The following C4orf51 variants were observed in gnomAD, a reference collection of about 807,000 sequenced individuals.
The protein encoded by C4orf51 is uncharacterized protein C4orf51.
In C4orf51, 25 loss-of-function variants were observed where a neutral mutation model predicts 25.2. The observed-to-expected ratio is 0.99, with a 90% CI of 0.72 to 1.39. The LOEUF is 1.39. Ranked by LOEUF, C4orf51 falls within the 40% of genes most tolerant of loss-of-function variation. The probability of loss-of-function intolerance (pLI) is 0.00; values close to 1 mark genes in which losing one functional copy is unlikely to be tolerated. For synonymous variants in C4orf51, 100 were observed against 84.5 expected, an observed-to-expected ratio of 1.18 and a Z score of -1.01; for missense variants, 252 against 239.6, an observed-to-expected ratio of 1.05 and a Z score of -0.34.
In C4orf51 at chr4:145,704,144, C is replaced by CT. The variant is rs200510840; in HGVS notation, c.307+7518dup. 5.6e-4 allele frequency among the ~76,000 whole-genome samples: 86 copies of CT among 152,262 alleles called. 1 individual carries two copies. The East Asian group carries it at 0.012, about 21-fold the overall frequency. ...GAGGAGTCTTGGCTGGCAAAGGTGGCTTTTTTATGTAGATGAAGCCTCCCT... is the reference window on the plus strand; with the variant it reads ...GAGGAGTCTTGGCTGGCAAAGGTGGCTTTTTTTATGTAGATGAAGCCTCCCT... On this transcript the variant is annotated intron_variant, in intron 2 of 5. Coordinates refer to ENST00000438731, the MANE Select transcript of C4orf51 (RefSeq NM_001080531.3).
chr4:145,727,924 A>T (rs1190709664), intron 3 of C4orf51, among the ~76,000 whole-genome samples: 27 of 93,624 alleles, frequency 2.9e-4, no homozygotes, highest in South Asian at 1.7e-3. Flanking sequence ...TATATATATA[A>T]AATATATTAT....
the C4orf51 span, among the ~76,000 whole-genome samples, chr4:145,776,429 C>A: frequency 4.0e-5 from 6 of 151,550 alleles, no homozygotes; most frequent in South Asian, 1.3e-3. Context: ...TCACTGCACT[C>A]CAGCCTGGGT....
chr4:145,741,085 A>G (rs974120841), intron 1 of C4orf51, among the ~76,000 whole-genome samples: 1 of 152,146 alleles, frequency 6.6e-6, no homozygotes, highest in Non-Finnish European at 1.5e-5. Context: ...TCAGAAAAGG[A>G]TAGTTTGTCA....
chr4:145,734,154 T>C (rs1485702746), downstream of C4orf51, among the ~76,000 whole-genome samples: 1 of 152,232 alleles, frequency 6.6e-6, no homozygotes, highest in African/African-American at 2.4e-5. Context: ...CCTTCTCGCC[T>C]GTCTGTCCAC....
the C4orf51 span, among the ~76,000 whole-genome samples, chr4:145,785,042 G>T: frequency 6.6e-6 from 1 of 152,076 alleles, no homozygotes. Context: ...TGTCATTTGG[G>T]CTTTTCCTCT....
At chr4:145,686,618 T>A (rs1729170617) in intron 1 of C4orf51, among the ~76,000 whole-genome samples, 1 of 152,038 alleles carries the variant, frequency 6.6e-6, no homozygotes, top group South Asian at 2.1e-4. Flanking sequence ...TTTACAACAA[T>A]CTGAGGAGTG....
At chr4:145,697,287 A>G (rs1016270788) in intron 2 of C4orf51, among the ~76,000 whole-genome samples, 1 of 151,804 alleles carries the variant, frequency 6.6e-6, no homozygotes, top group African/African-American at 2.4e-5. Flanking sequence ...TTTAGAAGAG[A>G]TGGGATTTCA....
chr4:145,723,418 A>T (rs771079588), intron 2 of C4orf51, among the ~76,000 whole-genome samples: 49 of 152,162 alleles, frequency 3.2e-4, no homozygotes, highest in Non-Finnish European at 5.4e-4. Flanking sequence ...AACATATTAA[A>T]GGAAAACAGA....
chr4:145,698,688 T>A (rs1455719183), intron 2 of C4orf51, among the ~76,000 whole-genome samples: 1 of 152,168 alleles, frequency 6.6e-6, no homozygotes, highest in Non-Finnish European at 1.5e-5. Flanking sequence ...CCACTTCCCA[T>A]CATGCCCTGA....
chr4:145,707,484 G>A (rs1035132452), intron 2 of C4orf51, among the ~76,000 whole-genome samples: 1 of 152,196 alleles, frequency 6.6e-6, no homozygotes, highest in Non-Finnish European at 1.5e-5. Context: ...ATAAGTGTGG[G>A]CTATTTCTAT....
At chr4:145,777,406 C>T in the C4orf51 span, among the ~76,000 whole-genome samples, 6 of 152,176 alleles carry the variant, frequency 3.9e-5, no homozygotes, top group African/African-American at 9.6e-5. Context: ...AACTCACCAG[C>T]GAAAATTTCT....
intron 2 of C4orf51, among the ~76,000 whole-genome samples, chr4:145,725,656 G>T (rs918965974): frequency 2.6e-5 from 4 of 151,948 alleles, no homozygotes; most frequent in African/African-American, 9.7e-5. Context: ...TCAAAACATT[G>T]TGTTAAGTTA....
intron 3 of C4orf51, among the ~76,000 whole-genome samples, chr4:145,727,988 ATAAT>A (rs1183224607): frequency 7.4e-6 from 1 of 134,572 alleles, no homozygotes; most frequent in Non-Finnish European, 1.5e-5. Context: ...TACATTATAT[ATAAT>A]ATATTATATA....
chr4:145,721,853 G>A (rs1258870735), intron 2 of C4orf51, among the ~76,000 whole-genome samples: 1 of 152,202 alleles, frequency 6.6e-6, no homozygotes, highest in African/African-American at 2.4e-5. Context: ...CAAACCATGT[G>A]TCTGCCTATG....
the C4orf51 span, among the ~76,000 whole-genome samples, chr4:145,788,746 C>G: frequency 6.6e-6 from 1 of 152,188 alleles, no homozygotes; most frequent in Non-Finnish European, 1.5e-5. Flanking sequence ...CACTTCTCTT[C>G]TTAATGATGA....
chr4:145,730,055 G>A lies in C4orf51; in HGVS notation c.501+90G>A. Reference sequence around the variant, plus strand: ...AGTGTCTCTACATGGCAGCAGGGGTGGTGGCCTGTGTATGTTTAGAGTTGG... The same window carrying A: ...AGTGTCTCTACATGGCAGCAGGGGTAGTGGCCTGTGTATGTTTAGAGTTGG... On this transcript the variant is annotated intron_variant, in intron 5 of 5. Coordinates refer to ENST00000438731, the MANE Select transcript of C4orf51 (RefSeq NM_001080531.3). 4 of 1,054,516 alleles carry A rather than the reference G, an allele frequency of 3.8e-6. No individual in the cohort carries two copies. The South Asian group carries it at 3.8e-5, about 10-fold the overall frequency. The allele number at this position is 1,054,516 out of a possible 1,614,324, so 65.3% of individuals were successfully genotyped here.
At position 145,688,400 on chromosome 4, in the gene C4orf51, C is replaced by T. The variant is rs149560292; in HGVS notation, c.233+7964C>T. The stretch of plus-strand genomic sequence containing the variant: ...ATGTGGTTTGGCTTTGTGTCCCACC[C>T]AAATCTCATATCCAATTGTAATTTT... On this transcript the variant is annotated intron_variant, in intron 1 of 5. Coordinates refer to ENST00000438731, the MANE Select transcript of C4orf51 (RefSeq NM_001080531.3). Among the ~76,000 whole-genome samples, 779 of 152,178 alleles carry T rather than the reference C, an allele frequency of 5.1e-3. 3 individuals are homozygous for T. Among genetic ancestry groups the T allele is most frequent in the African/African-American group, 0.017 (715 of 41,502 alleles).
chr4:145,778,369 G>A, the C4orf51 span, among the ~76,000 whole-genome samples: 4 of 152,296 alleles, frequency 2.6e-5, no homozygotes, highest in South Asian at 4.1e-4. Context: ...CCTGACCTCA[G>A]GTGATCCACC....
At chr4:145,745,367 TA>T (rs1392348945) in intron 1 of C4orf51, among the ~76,000 whole-genome samples, 1 of 144,684 alleles carries the variant, frequency 6.9e-6, no homozygotes, top group African/African-American at 2.5e-5. Context: ...CACTTCCCCC[TA>T]ACCCCCTAGA....
Sources: gnomAD v4.1 joint callset for allele counts (sites outside exome capture counted in the v4.1 genomes callset) on GRCh38, gnomAD v4.1.1 for gene constraint, MANE v1.5 for transcripts, NCBI Gene and HGNC (gene_info 2026-07-23, HGNC 2026-07-21) for gene names.